The following DUXB variants were observed in gnomAD, a reference collection of about 807,000 sequenced individuals.
DUXB encodes the protein double homeobox B, also known as double homeobox protein B.
A neutral mutation model predicts 8.9 loss-of-function variants in DUXB; 22 were observed. The ratio of observed to expected loss-of-function variants is 2.46; its 90% CI spans 1.76 to 3.52. The LOEUF is 3.52. Ranked by LOEUF, DUXB falls within the 30% of genes most tolerant of loss-of-function variation. The probability of loss-of-function intolerance (pLI) is 0.00; values close to 1 mark genes in which losing one functional copy is unlikely to be tolerated. For synonymous variants in DUXB, 84 were observed against 37.6 expected (o/e 2.23, Z -4.52); for missense variants, 237 against 108.7 (o/e 2.18, Z -5.25).
Position 75,700,064 on chromosome 16 carries a change from G to T in DUXB, c.131C>A (p.Ala44Asp), listed in dbSNP as rs753928290. Residue 44 changes from alanine to aspartate, a missense_variant, in exon 2 of 5, where the codon GCC (alanine) becomes GAC (aspartate). By Grantham distance (126) the Ala-to-Asp change is moderately radical (BLOSUM62 -2). Coordinates refer to ENST00000633875, the MANE Select transcript of DUXB (RefSeq NM_001351307.2). ...AATTTCTTTGGCCAGTTGTTCTCTGGCAGCTTTATCAGGGAAAGGGTCATG... is the reference window on the plus strand; with the variant it reads ...AATTTCTTTGGCCAGTTGTTCTCTGTCAGCTTTATCAGGGAAAGGGTCATG... ...FQHDPFPDKA[A>D]REQLAKEIGV... The T allele has an allele frequency of 1.3e-5, 9 of 702,202 alleles. No individual in the cohort carries two copies. In the East Asian group the frequency reaches 2.4e-4, roughly 19 times the overall value. The allele number at this position is 702,202 out of a possible 1,614,324, so 43.5% of individuals were successfully genotyped here.
intron 4 of DUXB, 58 bp from the exon 5 acceptor site, chr16:75,694,583 T>A (rs767616119): frequency 7.1e-6 from 5 of 700,112 alleles, no homozygotes; most frequent in Non-Finnish European, 1.3e-5. Context: ...TAACTCTGCA[T>A]CAGATACTCT....
intron 4 of DUXB, 82 bp from the exon 5 acceptor site, chr16:75,694,607 G>C (rs752675203): frequency 2.9e-6 from 2 of 688,034 alleles, no homozygotes; most frequent in African/African-American, 3.6e-5. Flanking sequence ...AAACAAAGGA[G>C]CTATTAACCT....
chr16:75,699,195 G>A (rs1340187239), intron 2 of DUXB, among the ~76,000 whole-genome samples: 2 of 152,074 alleles, frequency 1.3e-5, no homozygotes, highest in Non-Finnish European at 2.9e-5. Flanking sequence ...TTCATTTTAT[G>A]TCAGTTATTC....
At chr16:75,696,220 G>A (rs1350665337) in intron 3 of DUXB, 105 bp from the exon 4 acceptor site, 6 of 641,404 alleles carry the variant, frequency 9.4e-6, no homozygotes, top group South Asian at 1.8e-5. Context: ...AATCCCCGAG[G>A]TGGCAGAAGA....
chr16:75,701,430 G>A lies in DUXB; in HGVS notation c.-12C>T. ...CCCTCCAAATTCATCTTGGGCAGAA[G>A]ACCTGGACTCCACGGAGATCAGCGA... On this transcript the variant is annotated 5_prime_UTR_variant, in exon 1 of 5. Coordinates refer to ENST00000633875, the MANE Select transcript of DUXB (RefSeq NM_001351307.2). 2.5e-6 allele frequency: 1 copy of A among 398,632 alleles called. No individual in the cohort carries two copies. The highest frequency in any genetic ancestry group is 3.6e-5 in the East Asian group (1 of 28,080). 24.7% of individuals were successfully genotyped at this position (398,632 alleles called of 1,614,324 possible). A position where few individuals can be genotyped will look rare whatever the true frequency, so the allele number is the denominator to read the frequency against.
rs111712594 is a variant in DUXB, at chr16:75,699,351, G to A, written c.180+664C>T. The stretch of plus-strand genomic sequence containing the variant: ...TCCTTGTAATTACATATTAATAATC[G>A]ATCTGAATATTCTAATACTAAAATA... On this transcript the variant is annotated intron_variant, in intron 2 of 4. Coordinates refer to ENST00000633875, the MANE Select transcript of DUXB (RefSeq NM_001351307.2). Among the ~76,000 whole-genome samples, 124 of 152,056 alleles carry A rather than the reference G, an allele frequency of 8.2e-4. 1 individual carries two copies. The highest frequency in any genetic ancestry group is 2.9e-3 in the African/African-American group (121 of 41,464).
intron 2 of DUXB, among the ~76,000 whole-genome samples, chr16:75,697,572 A>G (rs1344995349): frequency 6.6e-6 from 1 of 152,186 alleles, no homozygotes; most frequent in African/African-American, 2.4e-5. Flanking sequence ...CAGAATTGCA[A>G]TATATTTTCT....
At chr16:75,697,303 A>G (rs949130093) in intron 2 of DUXB, among the ~76,000 whole-genome samples, 1 of 152,182 alleles carries the variant, frequency 6.6e-6, no homozygotes, top group African/African-American at 2.4e-5. Context: ...GATCCTCAAC[A>G]CTTCTTCATA....
In DUXB at chr16:75,696,037, T is replaced by A. The variant is rs2082603794; in HGVS notation, c.365A>T (p.Glu122Val). 1 of 702,956 alleles carries A rather than the reference T, an allele frequency of 1.4e-6. No homozygotes were observed. Among genetic ancestry groups the A allele is most frequent in the African/African-American group, 1.7e-5 (1 of 57,262 alleles). 43.5% of individuals were successfully genotyped at this position (702,956 alleles called of 1,614,324 possible). A position where few individuals can be genotyped will look rare whatever the true frequency, so the allele number is the denominator to read the frequency against. ...TQKNRLVQAF[E>V]RNPFPDIATR... ...AGCAATATCAGGGAATGGGTTCCTC[T>A]CAAAGGCTTGCACTAGCCTGTTTTT... The change falls in exon 4 of 5, where the codon GAG becomes GTG. Residue 122 changes from glutamate to valine, a missense_variant. Transcript: ENST00000633875.
At chr16:75,695,853 G>A (rs554715339) in intron 4 of DUXB, 108 bp downstream of exon 4, 14 of 623,046 alleles carry the variant, frequency 2.2e-5, no homozygotes, top group African/African-American at 9.2e-5. Context: ...CCCCGTTTCC[G>A]CCCTTGATGA....
At chr16:75,696,965 G>C (rs1271877290) in intron 2 of DUXB, 22 bp from the exon 3 acceptor site, 1 of 700,224 alleles carries the variant, frequency 1.4e-6, no homozygotes, top group Admixed American at 2.0e-5. Context: ...AAGAAGATGT[G>C]ATAGTCATAC....
chr16:75,693,921 A>T lies in DUXB; in HGVS notation c.*8T>A, dbSNP rs1433681182. 1 of 398,938 alleles carries T rather than the reference A, an allele frequency of 2.5e-6. No individual in the cohort carries two copies. Among genetic ancestry groups the T allele is most frequent in the Admixed American group, 4.4e-5 (1 of 22,714 alleles). The allele number at this position is 398,938 out of a possible 1,614,324, so 24.7% of individuals were successfully genotyped here. On this transcript the variant is annotated 3_prime_UTR_variant, in exon 5 of 5. Coordinates refer to ENST00000633875, the MANE Select transcript of DUXB (RefSeq NM_001351307.2). ...GCTGAGTGTGCCTACTGCTGCCACA[A>T]GTCTGTCTCAGTGTGTCCCTTTGAG...
intron 2 of DUXB, 118 bp downstream of exon 2, chr16:75,699,897 C>T (rs910866179): frequency 4.7e-5 from 24 of 513,494 alleles, no homozygotes; most frequent in Non-Finnish European, 6.8e-5. Flanking sequence ...AACAGGAAAA[C>T]GTTTCTTAGC....
intron 4 of DUXB, among the ~76,000 whole-genome samples, chr16:75,695,340 G>A (rs1010945026): frequency 6.6e-6 from 1 of 152,196 alleles, no homozygotes; most frequent in African/African-American, 2.4e-5. Flanking sequence ...AGAATTCGTA[G>A]TTTGTGTACA....
chr16:75,699,215 T>C (rs1051221088), intron 2 of DUXB, among the ~76,000 whole-genome samples: 3 of 152,202 alleles, frequency 2.0e-5, no homozygotes, highest in Non-Finnish European at 4.4e-5. Context: ...CTATTTAAAA[T>C]AATTCAGTAT....
At chr16:75,700,708 C>A (rs958610690) in intron 1 of DUXB, among the ~76,000 whole-genome samples, 6 of 151,842 alleles carry the variant, frequency 4.0e-5, no homozygotes, top group African/African-American at 1.5e-4. Context: ...AGGGTTTCAC[C>A]GTGTTAGCCA....
At chr16:75,697,963 A>G (rs1014465329) in intron 2 of DUXB, among the ~76,000 whole-genome samples, 1 of 152,150 alleles carries the variant, frequency 6.6e-6, no homozygotes, top group Non-Finnish European at 1.5e-5. Flanking sequence ...TCCCAAAACC[A>G]TTACCCACCC....
chr16:75,694,299 G>C lies in DUXB; in HGVS notation c.668C>G (p.Pro223Arg). 4.9e-6 allele frequency: 3 copies of C among 614,196 alleles called. No homozygotes were observed. The South Asian group carries it at 5.9e-5, about 12-fold the overall frequency. The allele number at this position is 614,196 out of a possible 1,614,324, so 38.0% of individuals were successfully genotyped here. Residue 223 changes from proline (P) to arginine (R), a missense_variant, in exon 5 of 5, where the codon CCC becomes CGC. Transcript: ENST00000633875. ...TCCTTGGCTCACATGGAACCTGAAG[G>C]GATCCCAAGGAGCCTGGGTTGAAGG... ...VLPSTQAPWD[P>R]FRFHVSQGPN...
At chr16:75,698,964 C>T (rs1165742999) in intron 2 of DUXB, 4 of 152,208 alleles carry the variant, frequency 2.6e-5, no homozygotes, top group Admixed American at 2.6e-4. Flanking sequence ...CCACCTAAGC[C>T]CCTGAGTAGC....
Sources: allele counts gnomAD v4.1 joint callset (sites outside exome capture counted in the v4.1 genomes callset), GRCh38; gene constraint gnomAD v4.1.1; transcripts MANE v1.5; gene names NCBI Gene and HGNC (gene_info 2026-07-23, HGNC 2026-07-21).